The following ATP2B1 variants were observed in gnomAD, a reference collection of about 807,000 sequenced individuals.
ATP2B1 encodes ATPase plasma membrane Ca2+ transporting 1, also known as plasma membrane calcium-transporting ATPase 1.
ATP2B1 carries 14 observed loss-of-function variants against 124.2 expected under a neutral mutation model. The ratio of observed to expected loss-of-function variants is 0.11; its 90% CI spans 0.07 to 0.18. The LOEUF (loss-of-function observed/expected upper bound fraction) is 0.18. ATP2B1 is among the 10% of genes least tolerant of loss of function. The pLI, the probability that ATP2B1 is intolerant of heterozygous loss-of-function variation, is 1.00. For synonymous variants in ATP2B1, 449 were observed against 492.4 expected, an observed-to-expected ratio of 0.91 and a Z score of 1.17; for missense variants, 763 against 1,466.1, an observed-to-expected ratio of 0.52 and a Z score of 7.83.
chr12:89,676,764 C>T (rs1179948494), intron 1 of ATP2B1, among the ~76,000 whole-genome samples: 1 of 152,024 alleles, frequency 6.6e-6, no homozygotes, highest in Non-Finnish European at 1.5e-5. Context: ...TATAGCTGTG[C>T]CAAACATACA....
Position 89,655,719 on chromosome 12 carries a change from G to A in ATP2B1, c.168C>T (p.Val56=). ...LRKIQESYGD[V]YGICTKLKTS... is the part of the protein sequence containing the mutation. ...TTTTCAATTTGGTGCAAATTCCATA[G>A]ACATCTCCATAGCTTTCCTGTATTT... Residue 56 remains valine (V), a synonymous_variant, in exon 2 of 21, where the codon GTC becomes GTT. Coordinates refer to ENST00000428670, the MANE Select transcript of ATP2B1 (RefSeq NM_001366521.1). 6.2e-7 allele frequency: 1 copy of A among 1,614,080 alleles called. No individual in the cohort carries two copies. The highest frequency in any genetic ancestry group is 8.5e-7 in the Non-Finnish European group (1 of 1,179,982).
chr12:89,708,140 G>A (rs191060948), intron 1 of ATP2B1, among the ~76,000 whole-genome samples: 2,009 of 152,284 alleles, frequency 0.013, 24 homozygotes, highest in Non-Finnish European at 0.017. Context: ...GGGGGGCCGA[G>A]GCCAAGGATT....
intron 15 of ATP2B1, among the ~76,000 whole-genome samples, chr12:89,609,160 A>AC (rs1877520611): frequency 6.6e-6 from 1 of 152,198 alleles, no homozygotes. Flanking sequence ...TCAGTCTCTC[A>AC]TAGTTTGGAA....
chr12:89,635,648 A>G (rs1882574878), intron 3 of ATP2B1, among the ~76,000 whole-genome samples: 1 of 152,212 alleles, frequency 6.6e-6, no homozygotes, highest in Admixed American at 6.5e-5. Flanking sequence ...AGCAGTGGCT[A>G]AGGCTTTCTT....
chr12:89,627,743 C>T, intron 6 of ATP2B1, 27 bp from the exon 7 acceptor site: 7 of 1,611,016 alleles, frequency 4.3e-6, no homozygotes, highest in Non-Finnish European at 5.9e-6. Flanking sequence ...GGAATTAAAG[C>T]TTTCCAAAAG....
rs900974804 is a variant in ATP2B1, at chr12:89,588,060, A to G, written c.*2924T>C. 4.6e-5 allele frequency: 7 copies of G among 152,674 alleles called. No individual in the cohort carries two copies. The highest frequency in any genetic ancestry group is 1.3e-4 in the Admixed American group (2 of 15,282). 9.5% of individuals were successfully genotyped at this position (152,674 alleles called of 1,614,324 possible). A position where few individuals can be genotyped will look rare whatever the true frequency, so the allele number is the denominator to read the frequency against. On this transcript the variant is annotated 3_prime_UTR_variant, in exon 21 of 21. Coordinates refer to ENST00000428670, the MANE Select transcript of ATP2B1 (RefSeq NM_001366521.1). The stretch of plus-strand genomic sequence containing the variant: ...AAGTTCAGTCCCCATTCAGAAACAG[A>G]TAAACAGTATATTTATTAAATGAGT...
intron 1 of ATP2B1, among the ~76,000 whole-genome samples, chr12:89,703,512 G>A (rs912836017): frequency 6.6e-6 from 1 of 152,082 alleles, no homozygotes; most frequent in African/African-American, 2.4e-5. Context: ...AGGAATATCC[G>A]ATCTTTTCTT....
chr12:89,658,649 T>TA (rs1462249797), intron 1 of ATP2B1, among the ~76,000 whole-genome samples: 1 of 70,354 alleles, frequency 1.4e-5, no homozygotes, highest in Non-Finnish European at 3.1e-5. Context: ...GAGAGAGAGA[T>TA]AGAGATAGCA....
At chr12:89,628,460 G>A (rs867196506) in intron 6 of ATP2B1, among the ~76,000 whole-genome samples, 4 of 150,244 alleles carry the variant, frequency 2.7e-5, no homozygotes, top group Admixed American at 6.6e-5. Context: ...GGAGAGTGTT[G>A]ATGAGAGTGA....
chr12:89,680,027 C>G (rs563497323), intron 1 of ATP2B1, among the ~76,000 whole-genome samples: 1 of 152,228 alleles, frequency 6.6e-6, no homozygotes, highest in East Asian at 1.9e-4. Context: ...TCACTACCAT[C>G]ATTATCCATT....
chr12:89,671,619 A>G (rs1414455757), intron 1 of ATP2B1, among the ~76,000 whole-genome samples: 1 of 152,148 alleles, frequency 6.6e-6, no homozygotes, highest in Non-Finnish European at 1.5e-5. Flanking sequence ...AAGTTAAGAA[A>G]AGCCTGAGTC....
intron 1 of ATP2B1, among the ~76,000 whole-genome samples, chr12:89,662,198 T>A (rs1886791018): frequency 6.6e-6 from 1 of 151,826 alleles, no homozygotes. Context: ...CCAAAAAGAC[T>A]ATGATCTTTC....
intron 1 of ATP2B1, among the ~76,000 whole-genome samples, chr12:89,695,058 CAA>C (rs544087541): frequency 2.1e-4 from 23 of 111,192 alleles, no homozygotes; most frequent in African/African-American, 5.3e-4. Context: ...GATGCTGTTT[CAA>C]AAAAAAAAAA....
At chr12:89,642,627 CAG>C (rs766395142) in intron 2 of ATP2B1, among the ~76,000 whole-genome samples, 23 of 151,994 alleles carry the variant, frequency 1.5e-4, no homozygotes, top group Non-Finnish European at 7.4e-5. Context: ...TTTTTTGAGA[CAG>C]AGTCTTGCTC....
At chr12:89,663,497 A>G (rs1268836334) in intron 1 of ATP2B1, among the ~76,000 whole-genome samples, 1 of 127,126 alleles carries the variant, frequency 7.9e-6, no homozygotes. Flanking sequence ...AAAATCTGCC[A>G]AATCAACATG....
At chr12:89,598,884 A>C (rs1352529814) in intron 20 of ATP2B1, 1 of 1,150,038 alleles carries the variant, frequency 8.7e-7, no homozygotes, top group African/African-American at 1.6e-5. Flanking sequence ...TTTTGAGATG[A>C]AGTGGGGGAT....
At chr12:89,672,416 T>C (rs1888108726) in intron 1 of ATP2B1, among the ~76,000 whole-genome samples, 1 of 152,122 alleles carries the variant, frequency 6.6e-6, no homozygotes, top group Non-Finnish European at 1.5e-5. Context: ...ATCACGCTAC[T>C]GCACTCCAGC....
intron 19 of ATP2B1, among the ~76,000 whole-genome samples, chr12:89,600,755 T>C (rs566627792): frequency 6.1e-4 from 93 of 151,966 alleles, no homozygotes; most frequent in Non-Finnish European, 1.1e-3. Context: ...TTCAAGCGAT[T>C]CTCCTGCCTC....
rs1887018637 is a variant in ATP2B1 at position 89,664,096 on chromosome 12, C to T, written c.-221-7989G>A. The stretch of plus-strand genomic sequence containing the variant: ...CCACAATTCAATTAAAATGATGAAA[C>T]CACAATGTAACAGTCTGGCTCAGTG... On this transcript the variant is annotated intron_variant, in intron 1 of 20. Transcript: ENST00000428670. 2.0e-5 allele frequency among the ~76,000 whole-genome samples: 3 copies of T among 152,038 alleles called. No homozygotes were observed. In the South Asian group the frequency reaches 6.2e-4, roughly 31 times the overall value.
Sources: allele counts gnomAD v4.1 joint callset (sites outside exome capture counted in the v4.1 genomes callset), GRCh38; gene constraint gnomAD v4.1.1; transcripts MANE v1.5; gene names NCBI Gene and HGNC (gene_info 2026-07-23, HGNC 2026-07-21).